Variants in SLC24A3 observed in about 807,000 individuals in gnomAD.
SLC24A3 encodes solute carrier family 24 member 3, also known as sodium/potassium/calcium exchanger 3.
Under a neutral mutation model 75.8 loss-of-function variants are expected in SLC24A3, and 28 were observed. The ratio of observed to expected loss-of-function variants is 0.37; its 90% CI spans 0.27 to 0.51. SLC24A3 has a LOEUF of 0.51. Ranked by LOEUF, SLC24A3 falls within the 20% of genes least tolerant of loss-of-function variation. The pLI is 0.94. For synonymous variants in SLC24A3, 372 were observed against 334.1 expected, an observed-to-expected ratio of 1.11 and a Z score of -1.24; for missense variants, 663 against 847.8, an observed-to-expected ratio of 0.78 and a Z score of 2.71.
At chr20:19,289,362 G>C (rs1983886528) in intron 2 of SLC24A3, among the ~76,000 whole-genome samples, 1 of 152,224 alleles carries the variant, frequency 6.6e-6, no homozygotes, top group Non-Finnish European at 1.5e-5. Context: ...CACATGTCTA[G>C]TACTCATTCT....
chr20:19,375,300 A>G (rs1055306218), intron 2 of SLC24A3, among the ~76,000 whole-genome samples: 2 of 152,194 alleles, frequency 1.3e-5, no homozygotes, highest in Non-Finnish European at 2.9e-5. Context: ...CCCTGTCTCA[A>G]TGCTGTGGTG....
chr20:19,306,833 A>G (rs748333506), intron 2 of SLC24A3, among the ~76,000 whole-genome samples: 1 of 152,132 alleles, frequency 6.6e-6, no homozygotes, highest in African/African-American at 2.4e-5. Context: ...AAACCTGCAC[A>G]TGTACCCGCA....
At chr20:19,366,005 C>T (rs1039875832) in intron 2 of SLC24A3, among the ~76,000 whole-genome samples, 2 of 152,102 alleles carry the variant, frequency 1.3e-5, no homozygotes, top group African/African-American at 4.8e-5. Flanking sequence ...TTTGCTAACC[C>T]CTTCCAGGTT....
At chr20:19,547,845 C>T (rs889479421) in intron 3 of SLC24A3, among the ~76,000 whole-genome samples, 21 of 152,362 alleles carry the variant, frequency 1.4e-4, no homozygotes, top group Admixed American at 4.6e-4. Context: ...TGTCCTCTCT[C>T]TAATTAAAGA....
intron 1 of SLC24A3, among the ~76,000 whole-genome samples, chr20:19,268,260 G>C (rs745898172): frequency 2.0e-5 from 3 of 152,036 alleles, no homozygotes; most frequent in African/African-American, 7.2e-5. Flanking sequence ...AAGTGCACTC[G>C]GTGCAGGTGC....
At chr20:19,693,162 A>C in intron 12 of SLC24A3, 97 bp from the exon 13 acceptor site, 1 of 1,297,780 alleles carries the variant, frequency 7.7e-7, no homozygotes, top group Non-Finnish European at 1.0e-6. Flanking sequence ...ATTCTGGGGA[A>C]AGCAGTACAG....
chr20:19,672,883 C>T (rs2122728966), intron 8 of SLC24A3, among the ~76,000 whole-genome samples: 1 of 152,310 alleles, frequency 6.6e-6, no homozygotes, highest in Middle Eastern at 3.4e-3. Flanking sequence ...TCTGACCATT[C>T]TCCAGTAACC....
chr20:19,238,915 A>C (rs1982247889), intron 1 of SLC24A3, among the ~76,000 whole-genome samples: 1 of 151,808 alleles, frequency 6.6e-6, no homozygotes, highest in African/African-American at 2.4e-5. Flanking sequence ...CACTTCACCC[A>C]AAAAAAGGAG....
intron 2 of SLC24A3, among the ~76,000 whole-genome samples, chr20:19,320,016 C>T (rs750836153): frequency 6.6e-6 from 1 of 152,202 alleles, no homozygotes; most frequent in Non-Finnish European, 1.5e-5. Context: ...TCAGCAGCTG[C>T]AGCATGGATG....
intron 2 of SLC24A3, among the ~76,000 whole-genome samples, chr20:19,391,631 T>C (rs1364226586): frequency 6.6e-6 from 1 of 152,142 alleles, no homozygotes; most frequent in African/African-American, 2.4e-5. Context: ...CCAGGGAATT[T>C]GGAGGCACTC....
chr20:19,371,166 T>C (rs2122356568), intron 2 of SLC24A3, among the ~76,000 whole-genome samples: 1 of 152,204 alleles, frequency 6.6e-6, no homozygotes, highest in Non-Finnish European at 1.5e-5. Context: ...TGGAAAGCAG[T>C]GTAGAACAGG....
At chr20:19,267,586 A>C (rs991408319) in intron 1 of SLC24A3, among the ~76,000 whole-genome samples, 12 of 152,206 alleles carry the variant, frequency 7.9e-5, no homozygotes, top group African/African-American at 2.9e-4. Context: ...ACTCTTTGGG[A>C]ATTTTTAAAT....
intron 3 of SLC24A3, among the ~76,000 whole-genome samples, chr20:19,553,152 T>C (rs2030727727): frequency 1.2e-5 from 1 of 83,804 alleles, no homozygotes; most frequent in Non-Finnish European, 3.0e-5. Context: ...CACAAGCAGC[T>C]TACAGAACAC....
intron 2 of SLC24A3, among the ~76,000 whole-genome samples, chr20:19,452,505 C>T (rs1276183628): frequency 6.6e-6 from 1 of 150,830 alleles, no homozygotes; most frequent in Admixed American, 6.6e-5. Context: ...CACTGGGACC[C>T]TTAACTGGGA....
At chr20:19,309,110 A>G (rs1017910152) in intron 2 of SLC24A3, among the ~76,000 whole-genome samples, 3 of 152,142 alleles carry the variant, frequency 2.0e-5, no homozygotes, top group Non-Finnish European at 4.4e-5. Flanking sequence ...TGTCACTTCC[A>G]CTACTTCCTA....
At chr20:19,457,744 AT>A (rs1212630442) in intron 2 of SLC24A3, among the ~76,000 whole-genome samples, 3 of 152,184 alleles carry the variant, frequency 2.0e-5, no homozygotes, top group Non-Finnish European at 4.4e-5. Context: ...CATTCCCTGG[AT>A]CTGTGGTTCT....
chr20:19,533,392 C>T (rs1035400207), intron 3 of SLC24A3, among the ~76,000 whole-genome samples: 2 of 152,316 alleles, frequency 1.3e-5, no homozygotes, highest in African/African-American at 4.8e-5. Context: ...CCATCACTCC[C>T]GCATGCCCAG....
chr20:19,451,974 T>C (rs959812342), intron 2 of SLC24A3, among the ~76,000 whole-genome samples: 6 of 152,232 alleles, frequency 3.9e-5, no homozygotes, highest in Non-Finnish European at 8.8e-5. Flanking sequence ...TTCCTTGACT[T>C]GCTTCAGTCT....
At chr20:19,311,119 A>G (rs985865850) in intron 2 of SLC24A3, among the ~76,000 whole-genome samples, 2 of 143,870 alleles carry the variant, frequency 1.4e-5, no homozygotes, top group East Asian at 4.1e-4. Flanking sequence ...TTCTTCCTTT[A>G]GTGGAGAAGC....
Sources: allele counts gnomAD v4.1 joint callset (sites outside exome capture counted in the v4.1 genomes callset), GRCh38; gene constraint gnomAD v4.1.1; transcripts MANE v1.5; gene names NCBI Gene and HGNC (gene_info 2026-07-23, HGNC 2026-07-21).